CDYL: variants seen among roughly 807,000 people sequenced by gnomAD.
CDYL encodes the protein chromodomain Y-like protein.
CDYL carries 8 observed loss-of-function variants against 47.3 expected under a neutral mutation model. The observed-to-expected ratio is 0.17, with a 90% CI of 0.10 to 0.31. The LOEUF (loss-of-function observed/expected upper bound fraction) is 0.31. Ranked by LOEUF, CDYL falls within the 10% of genes least tolerant of loss-of-function variation. CDYL has a pLI of 1.00. For missense variants in CDYL, 471 were observed against 701.4 expected (o/e 0.67, Z 3.71); for synonymous variants, 266 against 265.0 (o/e 1.00, Z -0.04).
chr6:4,948,354 A>G (rs570904496), intron 5 of CDYL, among the ~76,000 whole-genome samples: 3 of 152,318 alleles, frequency 2.0e-5, no homozygotes, highest in Admixed American at 1.3e-4. Flanking sequence ...TAGAGGTGTC[A>G]GAGTTCACCA....
intron 1 of CDYL, among the ~76,000 whole-genome samples, chr6:4,832,076 C>T (rs1469276427): frequency 1.3e-5 from 2 of 151,856 alleles, no homozygotes; most frequent in Non-Finnish European, 2.9e-5. Context: ...TTTCCTTCTC[C>T]TGCCTAATTG....
chr6:4,720,393 T>C (rs1582277064), intron 2 of CDYL, among the ~76,000 whole-genome samples: 2 of 152,352 alleles, frequency 1.3e-5, no homozygotes, highest in Non-Finnish European at 1.5e-5. Context: ...ATTATCCAGT[T>C]ACACCTAGTA....
chr6:4,830,033 G>A (rs974553298), intron 1 of CDYL, among the ~76,000 whole-genome samples: 1 of 152,192 alleles, frequency 6.6e-6, no homozygotes, highest in Non-Finnish European at 1.5e-5. Flanking sequence ...AATAATTGCT[G>A]TTTTTTGGAA....
At chr6:4,732,798 GA>G in intron 2 of CDYL, among the ~76,000 whole-genome samples, 1 of 152,244 alleles carries the variant, frequency 6.6e-6, no homozygotes, top group Middle Eastern at 3.4e-3. Flanking sequence ...ATTCAAGTTT[GA>G]AAAGGAAAAT....
At chr6:4,858,359 G>C (rs145511356) in intron 1 of CDYL, among the ~76,000 whole-genome samples, 1 of 152,128 alleles carries the variant, frequency 6.6e-6, no homozygotes, top group African/African-American at 2.4e-5. Flanking sequence ...TAATAATGGC[G>C]AACACAAACA....
intron 1 of CDYL, among the ~76,000 whole-genome samples, chr6:4,878,550 A>C (rs565326896): frequency 6.6e-6 from 1 of 152,120 alleles, no homozygotes; most frequent in South Asian, 2.1e-4. Flanking sequence ...GAACATGTCT[A>C]CTTTTACGAT....
At chr6:4,895,261 GTATACATGTATGTATATATGTGCATA>G (rs1762206812) in intron 2 of CDYL, among the ~76,000 whole-genome samples, 1 of 5,254 alleles carries the variant, frequency 1.9e-4, no homozygotes, top group African/African-American at 2.0e-4. Flanking sequence ...ATATGTGCAT[GTATACATGTATGTATATATGTGCATA>G]TATGCATGTA....
chr6:4,884,919 C>T (rs1372854927), intron 1 of CDYL, among the ~76,000 whole-genome samples: 2 of 152,168 alleles, frequency 1.3e-5, no homozygotes, highest in Non-Finnish European at 2.9e-5. Flanking sequence ...TTTAAGCTTT[C>T]ACTTTCCACA....
intron 3 of CDYL, among the ~76,000 whole-genome samples, chr6:4,755,180 C>T (rs1758056236): frequency 6.6e-6 from 1 of 152,038 alleles, no homozygotes; most frequent in Non-Finnish European, 1.5e-5. Flanking sequence ...CTGCCTCAGC[C>T]TCCCAAAGTA....
chr6:4,899,323 T>A (rs537206659), intron 2 of CDYL, among the ~76,000 whole-genome samples: 51 of 152,360 alleles, frequency 3.3e-4, no homozygotes, highest in African/African-American at 1.2e-3. Context: ...AAAGGACATA[T>A]ACATTTAATT....
intron 1 of CDYL, among the ~76,000 whole-genome samples, chr6:4,713,658 G>A: frequency 6.7e-6 from 1 of 149,746 alleles, no homozygotes; most frequent in East Asian, 2.0e-4. Context: ...CACAATCTCA[G>A]CTCACTGCAG....
chr6:4,908,380 T>C (rs562032504), intron 2 of CDYL, among the ~76,000 whole-genome samples: 28 of 152,332 alleles, frequency 1.8e-4, no homozygotes, highest in African/African-American at 6.3e-4. Context: ...ATAGGTGGTA[T>C]GTCCTTGGGC....
intron 2 of CDYL, among the ~76,000 whole-genome samples, chr6:4,903,248 C>G (rs773763473): frequency 1.5e-4 from 23 of 152,176 alleles, no homozygotes; most frequent in Non-Finnish European, 2.2e-4. Context: ...TGCGCCATGT[C>G]CCTGCTGTAC....
chr6:4,725,578 C>T (rs1291954644), intron 2 of CDYL, among the ~76,000 whole-genome samples: 1 of 152,214 alleles, frequency 6.6e-6, no homozygotes, highest in Non-Finnish European at 1.5e-5. Context: ...GCTGGTGGAC[C>T]TGCACCTCCG....
chr6:4,852,609 C>T (rs1441014992), intron 1 of CDYL, among the ~76,000 whole-genome samples: 1 of 145,896 alleles, frequency 6.9e-6, no homozygotes, highest in East Asian at 2.0e-4. Flanking sequence ...CTTCCTCCTT[C>T]CTTCCTTCCT....
intron 3 of CDYL, among the ~76,000 whole-genome samples, chr6:4,758,627 C>T (rs1359264817): frequency 6.6e-6 from 1 of 151,928 alleles, no homozygotes; most frequent in Non-Finnish European, 1.5e-5. Flanking sequence ...CATGCCACTG[C>T]ACTCCAGTCT....
chr6:4,860,554 ATATTAT>A (rs199829311), intron 1 of CDYL, among the ~76,000 whole-genome samples: 1 of 147,752 alleles, frequency 6.8e-6, no homozygotes, highest in Non-Finnish European at 1.5e-5. Context: ...TATATATTAC[ATATTAT>A]TATATATATT....
rs74855632 is a variant in CDYL, at chr6:4,849,682, G to GAAA, written c.25-42018_25-42016dup. Among the ~76,000 whole-genome samples, 878 of 137,078 alleles carry GAAA rather than the reference G, an allele frequency of 6.4e-3. 8 individuals are homozygous for GAAA. The highest frequency in any genetic ancestry group is 0.022 in the African/African-American group (843 of 38,414). 89.9% of individuals were successfully genotyped at this position (137,078 alleles called of 152,430 possible). On this transcript the variant is annotated intron_variant, in intron 1 of 6. Transcript: ENST00000397588. ...GTATCCCCCAAACTGGTCATGCCAG[G>GAAA]AAAAAAAAAAAAAAAGTCTCTTCCT...
chr6:4,722,236 G>A (rs931615367), intron 2 of CDYL, among the ~76,000 whole-genome samples: 1 of 151,426 alleles, frequency 6.6e-6, no homozygotes, highest in East Asian at 2.0e-4. Flanking sequence ...GAGGCCAATG[G>A]GGGGAGGAAC....
Sources: gnomAD v4.1 joint callset for allele counts (sites outside exome capture counted in the v4.1 genomes callset) on GRCh38, gnomAD v4.1.1 for gene constraint, MANE v1.5 for transcripts, NCBI Gene and HGNC (gene_info 2026-07-23, HGNC 2026-07-21) for gene names.